The following DPP6 variants were observed in gnomAD, a reference collection of about 807,000 sequenced individuals.
DPP6 encodes A-type potassium channel modulatory protein DPP6.
Under a neutral mutation model 122.6 loss-of-function variants are expected in DPP6, and 69 were observed. The observed-to-expected ratio is 0.56, with a 90% confidence interval of 0.46 to 0.69. The LOEUF (loss-of-function observed/expected upper bound fraction) is 0.69. Ranked by LOEUF, DPP6 falls within the 30% of genes least tolerant of loss-of-function variation. The pLI is 0.00. For synonymous variants in DPP6, 418 were observed against 433.1 expected, an observed-to-expected ratio of 0.97 and a Z score of 0.43; for missense variants, 928 against 1,116.9, an observed-to-expected ratio of 0.83 and a Z score of 2.41.
chr7:153,921,241 C>T (rs895824429), intron 1 of DPP6, among the ~76,000 whole-genome samples: 4 of 152,302 alleles, frequency 2.6e-5, no homozygotes, highest in South Asian at 2.1e-4. Flanking sequence ...GGTGGATGCT[C>T]GGCAAGAGCC....
chr7:154,666,336 T>G lies in DPP6; in HGVS notation c.681-3024T>G, dbSNP rs541226920. 1.3e-3 allele frequency among the ~76,000 whole-genome samples: 189 copies of G among 146,852 alleles called. 1 individual carries two copies. The highest frequency in any genetic ancestry group is 4.4e-3 in the African/African-American group (177 of 40,182). ...CTCTTACACCTGCACCCTACTTCAT[T>G]GTATTGGGGGGGTATAGTTTTGGGG... On this transcript the variant is annotated intron_variant, in intron 6 of 25. Coordinates refer to ENST00000377770, the MANE Select transcript of DPP6 (RefSeq NM_130797.4).
chr7:154,886,086 G>T (rs12112978), intron 22 of DPP6, among the ~76,000 whole-genome samples: 4 of 152,326 alleles, frequency 2.6e-5, no homozygotes, highest in African/African-American at 9.6e-5. Context: ...CTGCCGGGCC[G>T]CCCTCCTTCT....
chr7:154,211,484 G>A (rs1025047737), intron 1 of DPP6, among the ~76,000 whole-genome samples: 2 of 152,214 alleles, frequency 1.3e-5, no homozygotes, highest in Non-Finnish European at 2.9e-5. Context: ...ACCAGTTGAT[G>A]TTGTTTATGT....
intron 1 of DPP6, among the ~76,000 whole-genome samples, chr7:154,331,752 T>C (rs777526018): frequency 6.6e-6 from 1 of 152,108 alleles, no homozygotes; most frequent in Non-Finnish European, 1.5e-5. Context: ...TGTGGCCAAA[T>C]ATAGAGATCT....
At chr7:154,459,982 T>G (rs1388751184) in intron 2 of DPP6, among the ~76,000 whole-genome samples, 2 of 127,734 alleles carry the variant, frequency 1.6e-5, no homozygotes, top group Admixed American at 7.7e-5. Context: ...TGCTTTTTTT[T>G]TTTTTTTTTT....
chr7:154,627,699 G>A (rs922949385), intron 5 of DPP6, among the ~76,000 whole-genome samples: 2 of 152,286 alleles, frequency 1.3e-5, no homozygotes, highest in Non-Finnish European at 2.9e-5. Flanking sequence ...TTCAACTTCC[G>A]CATCAGGACT....
chr7:154,739,899 A>G (rs748422333), intron 8 of DPP6, among the ~76,000 whole-genome samples: 17 of 152,240 alleles, frequency 1.1e-4, no homozygotes, highest in Non-Finnish European at 2.2e-4. Flanking sequence ...GTTAACCGCA[A>G]ACCTCTAGTT....
At chr7:154,286,378 G>T (rs547695747) in intron 1 of DPP6, among the ~76,000 whole-genome samples, 1 of 152,276 alleles carries the variant, frequency 6.6e-6, no homozygotes, top group South Asian at 2.1e-4. Context: ...GAGGCTTAGG[G>T]TCAGGCTGTA....
the DPP6 span, among the ~76,000 whole-genome samples, chr7:153,778,057 G>T: frequency 6.7e-6 from 1 of 148,432 alleles, no homozygotes; most frequent in Non-Finnish European, 1.5e-5. Context: ...TAAGCCCAAA[G>T]GCAAAAAGAA....
At chr7:154,783,570 T>C (rs558834078) in intron 10 of DPP6, among the ~76,000 whole-genome samples, 46 of 152,276 alleles carry the variant, frequency 3.0e-4, no homozygotes, top group Admixed American at 9.2e-4. Context: ...CATGGACGCC[T>C]CCCATCAGTC....
chr7:154,205,782 A>T (rs202118744), intron 1 of DPP6, among the ~76,000 whole-genome samples: 12 of 62,912 alleles, frequency 1.9e-4, no homozygotes, highest in East Asian at 6.3e-4. Context: ...AAAAAAAAAA[A>T]AATTAATTAA....
At chr7:154,789,615 C>G (rs1267996006) in intron 10 of DPP6, among the ~76,000 whole-genome samples, 18 of 152,238 alleles carry the variant, frequency 1.2e-4, no homozygotes. Flanking sequence ...AGGTCTCCCT[C>G]TGCCGGCCAG....
At chr7:154,584,999 CCAT>C (rs1400618243) in intron 5 of DPP6, among the ~76,000 whole-genome samples, 1 of 152,136 alleles carries the variant, frequency 6.6e-6, no homozygotes, top group Non-Finnish European at 1.5e-5. Flanking sequence ...ACTTTTGTAA[CCAT>C]CACCACAAAT....
intron 1 of DPP6, among the ~76,000 whole-genome samples, chr7:154,443,525 T>C (rs1255699134): frequency 6.9e-6 from 1 of 144,090 alleles, no homozygotes; most frequent in Non-Finnish European, 1.5e-5. Context: ...GATGGATGGA[T>C]GGATGGATGG....
chr7:154,211,657 C>T (rs899751286), intron 1 of DPP6, among the ~76,000 whole-genome samples: 1 of 152,158 alleles, frequency 6.6e-6, no homozygotes, highest in Non-Finnish European at 1.5e-5. Context: ...AATCTTTGCC[C>T]TCTTCTCCAC....
chr7:154,151,914 G>A (rs1366445273), intron 1 of DPP6, among the ~76,000 whole-genome samples: 1 of 151,492 alleles, frequency 6.6e-6, no homozygotes, highest in East Asian at 1.9e-4. Flanking sequence ...TCACCTTTGA[G>A]CATCACCTGC....
chr7:154,360,485 G>C (rs1366269520), intron 1 of DPP6, among the ~76,000 whole-genome samples: 1 of 152,202 alleles, frequency 6.6e-6, no homozygotes, highest in Non-Finnish European at 1.5e-5. Context: ...GAAATTCTCA[G>C]GACATGAAAA....
the DPP6 span, among the ~76,000 whole-genome samples, chr7:153,749,645 CA>C: frequency 6.6e-6 from 1 of 152,136 alleles, no homozygotes; most frequent in Admixed American, 6.5e-5. This position sits in a 1 kb window ranked among gnomAD's most constrained non-coding sequence, Gnocchi z 4.1. Flanking sequence ...CTCCCACGCG[CA>C]AAAAACCCAG....
chr7:154,380,359 T>C (rs1196371950), intron 1 of DPP6, among the ~76,000 whole-genome samples: 1 of 152,212 alleles, frequency 6.6e-6, no homozygotes, highest in African/African-American at 2.4e-5. Context: ...TACACACAAA[T>C]GTGTACATAT....
Sources: allele counts gnomAD v4.1 joint callset (sites outside exome capture counted in the v4.1 genomes callset), GRCh38; gene constraint gnomAD v4.1.1; non-coding constraint Gnocchi (gnomAD v3.1); transcripts MANE v1.5; gene names NCBI Gene and HGNC (gene_info 2026-07-23, HGNC 2026-07-21).